The following TMEM74 variants were observed in gnomAD, a reference collection of about 807,000 sequenced individuals.
TMEM74 encodes the protein transmembrane protein 74.
A neutral mutation model predicts 18.1 loss-of-function variants in TMEM74; 13 were observed. That is an observed-to-expected ratio of 0.72 (90% CI 0.47 to 1.14). TMEM74 has a LOEUF of 1.14. Among genes scored for constraint, TMEM74 ranks in the 50% most tolerant of loss-of-function variants. The probability of loss-of-function intolerance (pLI) is 0.00; values close to 1 mark genes in which losing one functional copy is unlikely to be tolerated. For missense variants in TMEM74, 372 were observed against 375.9 expected, an observed-to-expected ratio of 0.99 and a Z score of 0.09; for synonymous variants, 159 against 146.6, an observed-to-expected ratio of 1.08 and a Z score of -0.61.
intron 2 of TMEM74, among the ~76,000 whole-genome samples, chr8:108,645,405 C>T (rs1812708222): frequency 1.3e-5 from 2 of 152,208 alleles, no homozygotes; most frequent in Middle Eastern, 3.4e-3. Context: ...ATACTATGCT[C>T]AGTGCCTGGG....
At chr8:108,657,859 AATATATATATATATATATATATAT>A (rs1175396487) in intron 1 of TMEM74, among the ~76,000 whole-genome samples, 6 of 49,878 alleles carry the variant, frequency 1.2e-4, no homozygotes, top group Non-Finnish European at 1.7e-4. Flanking sequence ...AAAAAAAAAA[AATATATATATATATATATATATAT>A]ATATATATAT....
intron 1 of TMEM74, among the ~76,000 whole-genome samples, chr8:108,663,407 T>C (rs1812919467): frequency 6.6e-6 from 1 of 152,048 alleles, no homozygotes; most frequent in Non-Finnish European, 1.5e-5. Flanking sequence ...AAAACCACAA[T>C]GAAACACCAT....
At chr8:108,749,560 T>C (rs1458831271) in intron 1 of TMEM74, among the ~76,000 whole-genome samples, 2 of 152,178 alleles carry the variant, frequency 1.3e-5, no homozygotes, top group South Asian at 2.1e-4. Context: ...GCTGAGACAA[T>C]GGAGTGGTCT....
At chr8:108,635,772 A>G (rs902886607) in intron 2 of TMEM74, among the ~76,000 whole-genome samples, 1 of 151,748 alleles carries the variant, frequency 6.6e-6, no homozygotes, top group Non-Finnish European at 1.5e-5. Context: ...ACTACTTTGG[A>G]TTTCTGTTGG....
chr8:108,784,832 C>T lies in TMEM74; in HGVS notation c.267G>A (p.Gly89=). The part of the protein sequence containing the change: ...DAFPPGLLHS[G]NNQITAERKV... ...TCCGTTCCGCTGTTATTTGGTTGTT[C>T]CCTGAGTGGAGAAGTCCTGGTGGAA... Residue 89 remains glycine (G), a synonymous_variant, in exon 2 of 2, where the codon GGG becomes GGA. Transcript: ENST00000297459. The T allele has an allele frequency of 1.2e-6, 2 of 1,614,144 alleles. No homozygotes were observed. The highest frequency in any genetic ancestry group is 1.7e-6 in the Non-Finnish European group (2 of 1,180,034).
intron 2 of TMEM74, among the ~76,000 whole-genome samples, chr8:108,641,962 T>C (rs1279705561): frequency 2.0e-5 from 3 of 152,142 alleles, no homozygotes; most frequent in Non-Finnish European, 2.9e-5. Flanking sequence ...ATATTTTGTA[T>C]TTGACACGCC....
chr8:108,694,049 T>C (rs1235035527), intron 1 of TMEM74, among the ~76,000 whole-genome samples: 1 of 152,250 alleles, frequency 6.6e-6, no homozygotes, highest in Non-Finnish European at 1.5e-5. Context: ...ACAAGTGCAA[T>C]TTTGTTACAT....
chr8:108,692,943 C>T (rs1431275007), intron 1 of TMEM74, among the ~76,000 whole-genome samples: 2 of 151,848 alleles, frequency 1.3e-5, no homozygotes, highest in Admixed American at 6.6e-5. Context: ...AAGGATTATA[C>T]AATCTAGGAA....
At chr8:108,625,738 A>G (rs1812487030) in intron 2 of TMEM74, among the ~76,000 whole-genome samples, 1 of 151,968 alleles carries the variant, frequency 6.6e-6, no homozygotes, top group Non-Finnish European at 1.5e-5. Flanking sequence ...TCTTGATAAA[A>G]TCTAGTTATT....
At chr8:108,621,984 C>A (rs1245395779) in intron 2 of TMEM74, among the ~76,000 whole-genome samples, 1 of 152,018 alleles carries the variant, frequency 6.6e-6, no homozygotes, top group Non-Finnish European at 1.5e-5. Context: ...ATCTTCCTAG[C>A]GAATTTTTTT....
intron 1 of TMEM74, among the ~76,000 whole-genome samples, chr8:108,710,558 G>C (rs887133236): frequency 6.6e-6 from 1 of 152,190 alleles, no homozygotes; most frequent in Non-Finnish European, 1.5e-5. Flanking sequence ...AACACTTAGG[G>C]GGCCGTAGGC....
At chr8:108,646,081 GTT>G (rs765519153) in intron 2 of TMEM74, among the ~76,000 whole-genome samples, 5 of 138,800 alleles carry the variant, frequency 3.6e-5, no homozygotes, top group Non-Finnish European at 4.7e-5. Context: ...TGTTCACGAA[GTT>G]TTTTTTTTTT....
At chr8:108,683,741 C>T (rs2130601172) in intron 1 of TMEM74, among the ~76,000 whole-genome samples, 1 of 152,104 alleles carries the variant, frequency 6.6e-6, no homozygotes, top group African/African-American at 2.4e-5. Context: ...TATGATTAAA[C>T]ATTTATCATA....
At chr8:108,710,899 T>C (rs1257813489) in intron 1 of TMEM74, among the ~76,000 whole-genome samples, 2 of 152,202 alleles carry the variant, frequency 1.3e-5, no homozygotes. Context: ...TAGAGCCAAA[T>C]GATGAGCCTT....
At chr8:108,770,082 A>T (rs944833901) in intron 1 of TMEM74, among the ~76,000 whole-genome samples, 1 of 151,408 alleles carries the variant, frequency 6.6e-6, no homozygotes, top group Non-Finnish European at 1.5e-5. Context: ...TCCTTGTTTC[A>T]TTGGACTTTC....
intron 1 of TMEM74, among the ~76,000 whole-genome samples, chr8:108,759,530 A>C (rs1814016314): frequency 6.6e-6 from 1 of 152,128 alleles, no homozygotes; most frequent in Non-Finnish European, 1.5e-5. Flanking sequence ...CCATAAAGTG[A>C]ATATGCAAAA....
At chr8:108,649,399 A>G (rs1014262108) in intron 2 of TMEM74, among the ~76,000 whole-genome samples, 1 of 152,170 alleles carries the variant, frequency 6.6e-6, no homozygotes, top group Admixed American at 6.6e-5. Context: ...AAAAAGTAGG[A>G]AAGACAGTAA....
rs115001436 is a variant in TMEM74 at position 108,718,649 on chromosome 8, C to T, written n.120-63212G>A. Among the ~76,000 whole-genome samples, 1,373 of 152,206 alleles carry T rather than the reference C, an allele frequency of 9.0e-3. 14 individuals are homozygous for T. The highest frequency in any genetic ancestry group is 0.025 in the African/African-American group (1,024 of 41,530). On this transcript the variant is annotated intron_variant and non_coding_transcript_variant, in intron 1 of 3. Coordinates refer to the TMEM74 transcript ENST00000518838. ...ATGTGGGTGGGACCTGAGTCCTGAA[C>T]TGTGAGAGGTGCTCTGTGTAAAGAT...
intron 2 of TMEM74, among the ~76,000 whole-genome samples, chr8:108,653,515 A>C (rs1197682475): frequency 6.6e-6 from 1 of 152,150 alleles, no homozygotes; most frequent in East Asian, 1.9e-4. Context: ...ACTTGTATTT[A>C]TATTAAGTAA....
Sources: gnomAD v4.1 joint callset for allele counts (sites outside exome capture counted in the v4.1 genomes callset) on GRCh38, gnomAD v4.1.1 for gene constraint, MANE v1.5 for transcripts, NCBI Gene and HGNC (gene_info 2026-07-23, HGNC 2026-07-21) for gene names.